The following DOCK8 variants were observed in gnomAD, a reference collection of about 807,000 sequenced individuals.
DOCK8 encodes dedicator of cytokinesis protein 8.
Under a neutral mutation model 245.6 loss-of-function variants are expected in DOCK8, and 141 were observed. The observed-to-expected ratio is 0.57, with a 90% confidence interval of 0.50 to 0.66. DOCK8 has a LOEUF of 0.66. DOCK8 is among the 30% of genes least tolerant of loss of function. The pLI is 0.00. For synonymous variants in DOCK8, 1,168 were observed against 970.2 expected (o/e 1.20, Z -3.79); for missense variants, 2,965 against 2,603.4 (o/e 1.14, Z -3.02).
chr9:450,068 A>G (rs1203283600), intron 45 of DOCK8, 141 bp downstream of exon 45: 2 of 879,356 alleles, frequency 2.3e-6, no homozygotes, highest in African/African-American at 3.4e-5. Flanking sequence ...TAACCTGAAC[A>G]CCTGTAAGGT....
At position 449,840 on chromosome 9, in the gene DOCK8, G is replaced by T; in HGVS notation, c.5874G>T (p.Gln1958His). Residue 1958 changes from glutamine to histidine, a missense_variant, in exon 45 of 48, where the codon CAG becomes CAT. Transcript: ENST00000432829. ...AAGACATGAAGAAGAAGACCCTGCA[G>T]TTAGCAGTTGCCATTAACCAGGAGC... ...AIEDMKKKTL[Q>H]LAVAINQEPP... 1 of 1,613,574 alleles carries T rather than the reference G, an allele frequency of 6.2e-7. No individual in the cohort carries two copies. The highest frequency in any genetic ancestry group is 2.2e-5 in the East Asian group (1 of 44,874).
chr9:212,920 C>T (rs1587587159), upstream of DOCK8: 1 of 152,146 alleles, frequency 6.6e-6, no homozygotes, highest in South Asian at 2.1e-4. Context: ...CAGAGGAGTT[C>T]ATCCGAAAGG....
intron 23 of DOCK8, 78 bp from the exon 24 acceptor site, chr9:390,393 A>G (rs1378990637): frequency 4.5e-6 from 6 of 1,333,934 alleles, no homozygotes; most frequent in Non-Finnish European, 6.4e-6. Flanking sequence ...ATTGGGGGGA[A>G]TAAAAGAAAA....
chr9:289,364 G>C (rs2048946717), intron 3 of DOCK8, 146 bp from the exon 4 acceptor site: 1 of 691,828 alleles, frequency 1.4e-6, no homozygotes. Context: ...GAATACTTCA[G>C]ACATTTGGAA....
intron 32 of DOCK8, among the ~76,000 whole-genome samples, chr9:421,545 C>T (rs1172804024): frequency 2.0e-5 from 3 of 152,134 alleles, no homozygotes; most frequent in Non-Finnish European, 1.5e-5. Flanking sequence ...CCCAGTCATT[C>T]AAGGATTCCA....
At chr9:247,568 C>T (rs551774561) in intron 1 of DOCK8, among the ~76,000 whole-genome samples, 3 of 152,124 alleles carry the variant, frequency 2.0e-5, no homozygotes, top group African/African-American at 7.2e-5. Flanking sequence ...GAGTCTCGCT[C>T]TGTCGCCCAG....
intron 2 of DOCK8, among the ~76,000 whole-genome samples, chr9:275,630 C>A (rs1248834764): frequency 1.3e-5 from 2 of 152,070 alleles, no homozygotes; most frequent in Non-Finnish European, 2.9e-5. Flanking sequence ...GCTCTGTCAC[C>A]CAGGCTGGAG....
chr9:274,280 C>T (rs2048256015), intron 2 of DOCK8, among the ~76,000 whole-genome samples: 1 of 152,102 alleles, frequency 6.6e-6, no homozygotes, highest in Non-Finnish European at 1.5e-5. Context: ...TCACATGTTC[C>T]TACCTGTCAT....
At chr9:441,065 C>T (rs544678917) in intron 40 of DOCK8, among the ~76,000 whole-genome samples, 3 of 152,178 alleles carry the variant, frequency 2.0e-5, no homozygotes, top group African/African-American at 7.2e-5. Context: ...AGCTCTTCTC[C>T]TTACTTATCG....
intron 2 of DOCK8, among the ~76,000 whole-genome samples, chr9:276,023 T>C (rs1586570259): frequency 6.6e-6 from 1 of 152,056 alleles, no homozygotes; most frequent in Non-Finnish European, 1.5e-5. Context: ...CCTGAGTAGC[T>C]GGGATTACAG....
At chr9:424,406 T>A (rs2056403533) in intron 33 of DOCK8, among the ~76,000 whole-genome samples, 1 of 151,256 alleles carries the variant, frequency 6.6e-6, no homozygotes, top group African/African-American at 2.4e-5. Flanking sequence ...TTTCTTTTCT[T>A]TTTTTTTTCT....
chr9:272,393 C>A (rs1563858345), intron 2 of DOCK8, among the ~76,000 whole-genome samples: 1 of 152,070 alleles, frequency 6.6e-6, no homozygotes, highest in Non-Finnish European at 1.5e-5. Flanking sequence ...TACAAACCTT[C>A]TTTTTTTGAG....
At chr9:257,420 G>C (rs2047804044) in intron 1 of DOCK8, among the ~76,000 whole-genome samples, 1 of 152,176 alleles carries the variant, frequency 6.6e-6, no homozygotes, top group Non-Finnish European at 1.5e-5. Flanking sequence ...AGGTAGAGCT[G>C]GAATTTTTCT....
chr9:277,846 A>G (rs2048420977), intron 2 of DOCK8, among the ~76,000 whole-genome samples: 1 of 152,338 alleles, frequency 6.6e-6, no homozygotes, highest in Admixed American at 6.5e-5. Context: ...TTAAAAAAAA[A>G]GTCTCATAGC....
At chr9:226,190 T>C (rs541139866) in intron 1 of DOCK8, among the ~76,000 whole-genome samples, 10 of 152,264 alleles carry the variant, frequency 6.6e-5, no homozygotes, top group East Asian at 5.8e-4. Flanking sequence ...AGCAAAGGCA[T>C]ATCTTAAACG....
chr9:324,148 A>T (rs1288492336), intron 7 of DOCK8, among the ~76,000 whole-genome samples: 1 of 152,262 alleles, frequency 6.6e-6, no homozygotes, highest in African/African-American at 2.4e-5. Context: ...AACAGAGTCC[A>T]GGTCTCTGCC....
intron 2 of DOCK8, among the ~76,000 whole-genome samples, chr9:282,724 A>G (rs1040098844): frequency 6.6e-6 from 1 of 152,176 alleles, no homozygotes; most frequent in Non-Finnish European, 1.5e-5. Context: ...TGCCTATCCA[A>G]CATGACAAGT....
intron 9 of DOCK8, among the ~76,000 whole-genome samples, chr9:331,261 C>G (rs147903208): frequency 1.3e-4 from 20 of 152,260 alleles, no homozygotes; most frequent in Non-Finnish European, 2.4e-4. Context: ...GTTTCTAGCT[C>G]AAGTGTTACG....
chr9:330,074 A>G (rs1369442391), intron 9 of DOCK8, among the ~76,000 whole-genome samples: 1 of 152,098 alleles, frequency 6.6e-6, no homozygotes, highest in Non-Finnish European at 1.5e-5. Context: ...TTTTTTGTTT[A>G]TATTCCCAGG....
Sources: allele counts gnomAD v4.1 joint callset (sites outside exome capture counted in the v4.1 genomes callset), GRCh38; gene constraint gnomAD v4.1.1; transcripts MANE v1.5; gene names NCBI Gene and HGNC (gene_info 2026-07-23, HGNC 2026-07-21).